CNTN5: variants seen among roughly 807,000 people sequenced by gnomAD.
CNTN5 encodes contactin 5, also known as contactin-5.
In CNTN5, 77 loss-of-function variants were observed where a neutral mutation model predicts 129.1. That is an observed-to-expected ratio of 0.60 (90% confidence interval 0.50 to 0.72). The LOEUF is 0.72. Among genes scored for constraint, CNTN5 ranks in the 30% least tolerant of loss-of-function variants. CNTN5 has a pLI of 0.00. For synonymous variants in CNTN5, 509 were observed against 465.6 expected, an observed-to-expected ratio of 1.09 and a Z score of -1.20; for missense variants, 1,478 against 1,328.8, an observed-to-expected ratio of 1.11 and a Z score of -1.75.
chr11:99,221,779 TC>T (rs1860408996), intron 1 of CNTN5, among the ~76,000 whole-genome samples: 1 of 151,940 alleles, frequency 6.6e-6, no homozygotes, highest in Non-Finnish European at 1.5e-5. Flanking sequence ...TACAAACACT[TC>T]GTAAACAATT....
At chr11:99,109,846 G>GA (rs1857704778) in intron 1 of CNTN5, among the ~76,000 whole-genome samples, 1 of 151,798 alleles carries the variant, frequency 6.6e-6, no homozygotes, top group African/African-American at 2.4e-5. Flanking sequence ...ATAGATTAAT[G>GA]AAAAAAATGA....
chr11:99,353,072 T>C (rs949147338), intron 2 of CNTN5, among the ~76,000 whole-genome samples: 14 of 152,066 alleles, frequency 9.2e-5, no homozygotes, highest in Non-Finnish European at 1.3e-4. Context: ...CTTGCCCCCA[T>C]AGCTCCAGTA....
intron 20 of CNTN5, among the ~76,000 whole-genome samples, chr11:100,304,550 G>C (rs1442972133): frequency 6.6e-6 from 1 of 151,598 alleles, no homozygotes; most frequent in Non-Finnish European, 1.5e-5. Flanking sequence ...GGTGATGACG[G>C]GGGTCTAGAT....
chr11:99,795,565 G>A (rs949145788), intron 3 of CNTN5, among the ~76,000 whole-genome samples: 1 of 149,956 alleles, frequency 6.7e-6, no homozygotes, highest in Non-Finnish European at 1.5e-5. Flanking sequence ...TCTTTCAATC[G>A]CTGAAGCTGT....
chr11:100,226,282 A>G (rs73561245), intron 16 of CNTN5, among the ~76,000 whole-genome samples: 1,584 of 152,188 alleles, frequency 0.01, 36 homozygotes, highest in African/African-American at 0.037. Flanking sequence ...ATGTATATTT[A>G]TTGTCTGCAC....
intron 3 of CNTN5, among the ~76,000 whole-genome samples, chr11:99,691,655 T>C (rs1954044578): frequency 6.6e-6 from 1 of 152,048 alleles, no homozygotes; most frequent in African/African-American, 2.4e-5. Context: ...TTCTGAGGAG[T>C]CTTTTACTTC....
intron 3 of CNTN5, among the ~76,000 whole-genome samples, chr11:99,619,035 A>G (rs1350947097): frequency 6.6e-6 from 1 of 152,188 alleles, no homozygotes; most frequent in African/African-American, 2.4e-5. Flanking sequence ...AGACATTTCA[A>G]TGAAAGCTTA....
intron 4 of CNTN5, among the ~76,000 whole-genome samples, chr11:99,833,149 A>G (rs1947198771): frequency 6.6e-6 from 1 of 152,194 alleles, no homozygotes; most frequent in Non-Finnish European, 1.5e-5. Flanking sequence ...CAGATGGATG[A>G]TACTTAAAAT....
chr11:99,750,911 T>A (rs1031434780), intron 3 of CNTN5, among the ~76,000 whole-genome samples: 2 of 152,196 alleles, frequency 1.3e-5, no homozygotes, highest in African/African-American at 4.8e-5. Context: ...AGAAAGCAGA[T>A]TTAACTATTT....
chr11:100,119,270 C>T (rs1945939510), intron 13 of CNTN5, among the ~76,000 whole-genome samples: 1 of 151,884 alleles, frequency 6.6e-6, no homozygotes, highest in African/African-American at 2.4e-5. Flanking sequence ...TACAGCCAAA[C>T]AAAATAGATC....
intron 3 of CNTN5, among the ~76,000 whole-genome samples, chr11:99,628,631 C>T (rs11220714): frequency 1.5e-3 from 103 of 69,066 alleles, no homozygotes; most frequent in East Asian, 5.0e-3. Flanking sequence ...CACACACACA[C>T]ACACACACAC....
chr11:99,300,491 T>C (rs954665726), intron 1 of CNTN5, among the ~76,000 whole-genome samples: 5 of 152,116 alleles, frequency 3.3e-5, no homozygotes, highest in African/African-American at 1.2e-4. Context: ...GTATTATTTG[T>C]TTGATATCCT....
At chr11:99,328,744 T>C (rs981323044) in intron 2 of CNTN5, among the ~76,000 whole-genome samples, 1 of 150,170 alleles carries the variant, frequency 6.7e-6, no homozygotes, top group Non-Finnish European at 1.5e-5. Flanking sequence ...ATGGTGCATG[T>C]GTGTAATCCC....
intron 3 of CNTN5, among the ~76,000 whole-genome samples, chr11:99,734,881 G>T (rs1013799611): frequency 6.6e-6 from 1 of 152,140 alleles, no homozygotes; most frequent in African/African-American, 2.4e-5. Flanking sequence ...AGTGGCAGGC[G>T]CCTGTAGTCC....
chr11:99,611,231 C>T (rs561084260), intron 3 of CNTN5, among the ~76,000 whole-genome samples: 2 of 152,142 alleles, frequency 1.3e-5, no homozygotes, highest in African/African-American at 4.8e-5. Context: ...GTTTCCTAAC[C>T]CATAATAACT....
At chr11:99,400,564 G>A (rs968747653) in intron 2 of CNTN5, among the ~76,000 whole-genome samples, 16 of 152,034 alleles carry the variant, frequency 1.1e-4, no homozygotes, top group African/African-American at 3.9e-4. Context: ...TCTCTTCCAC[G>A]AACTGATTTC....
At chr11:99,962,602 A>G (rs1337167007) in intron 8 of CNTN5, among the ~76,000 whole-genome samples, 3 of 150,860 alleles carry the variant, frequency 2.0e-5, no homozygotes, top group East Asian at 1.9e-4. Flanking sequence ...ATTGTGAATA[A>G]TGCCGCAATA....
chr11:99,472,955 T>G (rs1945231239), intron 2 of CNTN5, among the ~76,000 whole-genome samples: 1 of 152,198 alleles, frequency 6.6e-6, no homozygotes, highest in Admixed American at 6.6e-5. Flanking sequence ...TATGAGTTAA[T>G]CATTTTGTTC....
At chr11:99,516,314 T>G (rs1947051472) in intron 2 of CNTN5, among the ~76,000 whole-genome samples, 1 of 152,106 alleles carries the variant, frequency 6.6e-6, no homozygotes, top group Non-Finnish European at 1.5e-5. Flanking sequence ...TAAGAGTCTA[T>G]TTTATATTGG....
Sources: gnomAD v4.1 joint callset for allele counts (sites outside exome capture counted in the v4.1 genomes callset) on GRCh38, gnomAD v4.1.1 for gene constraint, MANE v1.5 for transcripts, NCBI Gene and HGNC (gene_info 2026-07-23, HGNC 2026-07-21) for gene names.